The following IGFL4 variants were observed in gnomAD, a reference collection of about 807,000 sequenced individuals.
The protein encoded by IGFL4 is insulin growth factor-like family member 4.
In IGFL4, 12 loss-of-function variants were observed where a neutral mutation model predicts 15.4. The observed-to-expected ratio is 0.78, with a 90% confidence interval of 0.50 to 1.26. IGFL4 has a LOEUF of 1.26. Among genes scored for constraint, IGFL4 ranks in the 50% most tolerant of loss-of-function variants. IGFL4 has a pLI of 0.00. For synonymous variants in IGFL4, 54 were observed against 55.9 expected (o/e 0.97, Z 0.16); for missense variants, 126 against 147.8 (o/e 0.85, Z 0.76).
At chr19:46,058,265 C>A (rs1568714012) in intron 2 of IGFL4, 1 of 152,138 alleles carries the variant, frequency 6.6e-6, no homozygotes, top group Non-Finnish European at 1.5e-5. Context: ...CTACAGGCCC[C>A]ATGCAAGTTA....
rs550704855 is a variant in IGFL4, at chr19:46,074,482, A to G, written c.-432+2538T>C. On this transcript the variant is annotated intron_variant, in intron 1 of 5. Transcript: ENST00000601672. ...AGTTTATTAAATAGTATTAACTCAC[A>G]GGATCACAAGGTCCCACAATAGGCT... 7.2e-5 allele frequency among the ~76,000 whole-genome samples: 11 copies of G among 152,154 alleles called. No individual in the cohort carries two copies. In the East Asian group the frequency reaches 1.9e-3, roughly 27 times the overall value.
At chr19:46,051,745 C>A (rs545836204) in intron 2 of IGFL4, among the ~76,000 whole-genome samples, 88 of 152,170 alleles carry the variant, frequency 5.8e-4, no homozygotes, top group African/African-American at 2.1e-3. Context: ...AGTGACTCAC[C>A]TGACACACAA....
In IGFL4 at chr19:46,040,683, TGGGACTGGCTGTGGGTGCAGGTCCTG is replaced by T; in HGVS notation, c.20-141_20-116del. The T allele has an allele frequency of 8.0e-7, 1 of 1,245,698 alleles. No individual in the cohort carries two copies. Among genetic ancestry groups the T allele is most frequent in the Non-Finnish European group, 1.2e-6 (1 of 864,900 alleles). 77.2% of individuals were successfully genotyped at this position (1,245,698 alleles called of 1,614,324 possible). A position where few individuals can be genotyped will look rare whatever the true frequency, so the allele number is the denominator to read the frequency against. On this transcript the variant is annotated intron_variant, in intron 1 of 3. Transcript: ENST00000377697. The surrounding 1 kb of genome is among the most constrained non-coding windows in gnomAD (Gnocchi z 4.1). ...GCTGTTAACAGCTCAGAGTGGATTT[TGGGACTGGCTGTGGGTGCAGGTCCTG>T]GGGACTGGGCTTGGCAGGTGAGGAA...
chr19:46,041,861 C>T (rs1969248184), upstream of IGFL4, among the ~76,000 whole-genome samples: 1 of 125,830 alleles, frequency 7.9e-6, no homozygotes, highest in African/African-American at 3.5e-5. Context: ...TTTTTTGAGA[C>T]ACCGTATCTC....
chr19:46,066,287 C>T (rs1055114907), intron 1 of IGFL4, among the ~76,000 whole-genome samples: 4 of 152,128 alleles, frequency 2.6e-5, no homozygotes, highest in African/African-American at 9.7e-5. Context: ...CCAAGTGTTA[C>T]CCAAAACATA....
intron 1 of IGFL4, among the ~76,000 whole-genome samples, chr19:46,076,291 G>A (rs1600682135): frequency 6.6e-6 from 1 of 152,242 alleles, no homozygotes; most frequent in East Asian, 1.9e-4. Context: ...GACCACAGTA[G>A]GGTCATAACC....
intron 2 of IGFL4, among the ~76,000 whole-genome samples, chr19:46,048,690 C>A (rs1969319131): frequency 6.6e-6 from 1 of 151,964 alleles, no homozygotes; most frequent in Non-Finnish European, 1.5e-5. Context: ...GAATAAAATA[C>A]CTAAGAATAC....
intron 2 of IGFL4, among the ~76,000 whole-genome samples, chr19:46,052,268 A>T (rs978305895): frequency 1.8e-4 from 27 of 152,194 alleles, no homozygotes; most frequent in Admixed American, 1.3e-3. Context: ...CAATAAATTT[A>T]AAAAAATCAA....
In IGFL4 at chr19:46,040,715, TG is replaced by T. The variant is rs1226613292; in HGVS notation, c.20-148del. 1.9e-6 allele frequency: 2 copies of T among 1,030,340 alleles called. No individual in the cohort carries two copies. The highest frequency in any genetic ancestry group is 3.0e-6 in the Non-Finnish European group (2 of 676,230). The allele number at this position is 1,030,340 out of a possible 1,614,324, so 63.8% of individuals were successfully genotyped here. On this transcript the variant is annotated intron_variant, in intron 1 of 3. Coordinates refer to ENST00000377697, the MANE Select transcript of IGFL4 (RefSeq NM_001002923.3). This position sits in a 1 kb window ranked among gnomAD's most constrained non-coding sequence, Gnocchi z 4.1. ...GGCTGTGGGTGCAGGTCCTGGGGAC[TG>T]GGCTTGGCAGGTGAGGAAAGGCAGG...
chr19:46,055,587 C>T (rs1431082438), intron 2 of IGFL4, among the ~76,000 whole-genome samples: 1 of 151,880 alleles, frequency 6.6e-6, no homozygotes, highest in Non-Finnish European at 1.5e-5. Flanking sequence ...TTAGTGTTTA[C>T]CTATATTGAA....
At chr19:46,049,020 T>A (rs1298930140) in intron 2 of IGFL4, among the ~76,000 whole-genome samples, 1 of 152,140 alleles carries the variant, frequency 6.6e-6, no homozygotes, top group Non-Finnish European at 1.5e-5. Context: ...CTTCAAACTA[T>A]CCTACAAGGC....
At chr19:46,053,498 T>C (rs973081380) in intron 2 of IGFL4, among the ~76,000 whole-genome samples, 1 of 152,118 alleles carries the variant, frequency 6.6e-6, no homozygotes, top group Non-Finnish European at 1.5e-5. Context: ...TTATATACCA[T>C]ATTTTCTTTA....
At chr19:46,042,848 C>T (rs576447023), upstream of IGFL4, among the ~76,000 whole-genome samples, 1 of 152,220 alleles carries the variant, frequency 6.6e-6, no homozygotes, top group Non-Finnish European at 1.5e-5. Context: ...GAAGCTGTGT[C>T]ATGGCGGCCT....
chr19:46,071,136 T>C (rs76064978), intron 1 of IGFL4, among the ~76,000 whole-genome samples: 2 of 124,658 alleles, frequency 1.6e-5, no homozygotes, highest in African/African-American at 8.3e-5. Context: ...ATGATCCTGT[T>C]TTTTTTTTTT....
chr19:46,068,350 C>G (rs141020101), intron 1 of IGFL4, among the ~76,000 whole-genome samples: 32 of 152,314 alleles, frequency 2.1e-4, no homozygotes, highest in African/African-American at 7.7e-4. Flanking sequence ...TTAAAGACCT[C>G]GAGCTCTGAG....
chr19:46,073,916 CTTGA>C (rs1969570006), intron 1 of IGFL4, among the ~76,000 whole-genome samples: 1 of 152,098 alleles, frequency 6.6e-6, no homozygotes, highest in South Asian at 2.1e-4. Flanking sequence ...TGCTGAAAAA[CTTGA>C]TTGATGGCAC....
intron 2 of IGFL4, among the ~76,000 whole-genome samples, chr19:46,047,694 C>A (rs1172980918): frequency 1.3e-5 from 2 of 152,126 alleles, no homozygotes; most frequent in Non-Finnish European, 2.9e-5. Context: ...CATCCCTAGA[C>A]ACATACACCC....
Position 46,039,790 on chromosome 19 carries a change from G to T in IGFL4, c.*102C>A. 9.6e-7 allele frequency: 1 copy of T among 1,046,384 alleles called. No homozygotes were observed. The highest frequency in any genetic ancestry group is 1.5e-6 in the Non-Finnish European group (1 of 665,848). The allele number at this position is 1,046,384 out of a possible 1,614,324, so 64.8% of individuals were successfully genotyped here. A position where few individuals can be genotyped will look rare whatever the true frequency, so the allele number is the denominator to read the frequency against. ...TTGCTTATTTGCACTCCAGCCTGGG[G>T]GACAGAGTGAAACTCTGTCACAACA... is the stretch of plus-strand genomic sequence containing the variant. On this transcript the variant is annotated 3_prime_UTR_variant, in exon 4 of 4. Coordinates refer to ENST00000377697, the MANE Select transcript of IGFL4 (RefSeq NM_001002923.3).
At chr19:46,048,738 C>CTA (rs1353874223) in intron 2 of IGFL4, among the ~76,000 whole-genome samples, 8 of 152,030 alleles carry the variant, frequency 5.3e-5, no homozygotes, top group Admixed American at 2.0e-4. Flanking sequence ...TCAAGGAGAA[C>CTA]TACAAATCAC....
Sources: allele counts gnomAD v4.1 joint callset (sites outside exome capture counted in the v4.1 genomes callset), GRCh38; gene constraint gnomAD v4.1.1; non-coding constraint Gnocchi (gnomAD v3.1); transcripts MANE v1.5; gene names NCBI Gene and HGNC (gene_info 2026-07-23, HGNC 2026-07-21).